Variants in SUGP1 observed in about 807,000 individuals in gnomAD.
SUGP1 encodes the protein SURP and G-patch domain-containing protein 1.
In SUGP1, 34 loss-of-function variants were observed where a neutral mutation model predicts 76.5. That is an observed-to-expected ratio of 0.44 (90% CI 0.34 to 0.59). SUGP1 has a LOEUF of 0.59. Ranked by LOEUF, SUGP1 falls within the 20% of genes least tolerant of loss-of-function variation. The pLI, the probability that SUGP1 is intolerant of heterozygous loss-of-function variation, is 0.01. For synonymous variants in SUGP1, 326 were observed against 326.2 expected, an observed-to-expected ratio of 1.00 and a Z score of 0.01; for missense variants, 752 against 851.7, an observed-to-expected ratio of 0.88 and a Z score of 1.46.
intron 8 of SUGP1, among the ~76,000 whole-genome samples, chr19:19,285,295 A>T (rs2061131278): frequency 6.6e-6 from 1 of 151,950 alleles, no homozygotes; most frequent in Admixed American, 6.6e-5. Context: ...CCTCCCAAGT[A>T]TCTGGGATTA....
At chr19:19,308,365 CGACGTGTGTTATCA>C (rs1481846432) in intron 3 of SUGP1, among the ~76,000 whole-genome samples, 2 of 152,182 alleles carry the variant, frequency 1.3e-5, no homozygotes, top group Non-Finnish European at 2.9e-5. Flanking sequence ...GAAGAGAATA[CGACGTGTGTTATCA>C]GACGTCTACC....
intron 8 of SUGP1, among the ~76,000 whole-genome samples, chr19:19,282,964 C>T (rs2061110835): frequency 6.6e-6 from 1 of 151,896 alleles, no homozygotes; most frequent in Non-Finnish European, 1.5e-5. Flanking sequence ...GTCGTCCCAG[C>T]TACTTGGGAG....
In SUGP1 at chr19:19,283,604, C is replaced by T. The variant is rs555748234; in HGVS notation, c.1244-3313G>A. 4.6e-5 allele frequency among the ~76,000 whole-genome samples: 7 copies of T among 152,098 alleles called. No individual in the cohort carries two copies. The South Asian group carries it at 1.3e-3, about 27-fold the overall frequency. ...CGAGTAGCCGGGACTACAGGTGGCA[C>T]GCCACCACACCCAGCTAATTTTTGT... On this transcript the variant is annotated intron_variant, in intron 8 of 13. Transcript: ENST00000247001.
chr19:19,295,960 A>C (rs560770387), intron 8 of SUGP1, among the ~76,000 whole-genome samples: 1 of 152,354 alleles, frequency 6.6e-6, no homozygotes, highest in South Asian at 2.1e-4. Flanking sequence ...TAAGCTCAAC[A>C]GCACTGGTCA....
chr19:19,302,190 G>C lies in SUGP1; in HGVS notation c.887+75C>G, dbSNP rs906716435. The C allele has an allele frequency of 1.9e-6, 3 of 1,588,824 alleles. No homozygotes were observed. In the South Asian group the frequency reaches 3.4e-5, roughly 18 times the overall value. ...GGACCCCAGCAGGTGGCTGGACTAT[G>C]CTGATCCAGTGTCCTCCCCTGCAGG... On this transcript the variant is annotated intron_variant, in intron 7 of 13. Coordinates refer to ENST00000247001, the MANE Select transcript of SUGP1 (RefSeq NM_172231.4).
At chr19:19,297,839 C>T (rs2061240657) in intron 7 of SUGP1, among the ~76,000 whole-genome samples, 1 of 152,208 alleles carries the variant, frequency 6.6e-6, no homozygotes, top group South Asian at 2.1e-4. Flanking sequence ...GGCAGGCAGC[C>T]TCAGGGAAGT....
chr19:19,293,397 A>G lies in SUGP1; in HGVS notation c.1243+3592T>C, dbSNP rs575109194. ...TCAGGAGTTCGAGACCAGCCTGGCC[A>G]ACATGGTGAAACCCTGTCTCTACCA... is the stretch of plus-strand genomic sequence containing the variant. On this transcript the variant is annotated intron_variant, in intron 8 of 13. Transcript: ENST00000247001. 1.3e-4 allele frequency among the ~76,000 whole-genome samples: 19 copies of G among 151,996 alleles called. No individual in the cohort carries two copies. The South Asian group carries it at 3.7e-3, about 30-fold the overall frequency.
chr19:19,303,651 C>T (rs1015594798), intron 5 of SUGP1, 73 bp downstream of exon 5: 4 of 1,579,826 alleles, frequency 2.5e-6, no homozygotes, highest in East Asian at 2.2e-5. Flanking sequence ...CTAGCAAGCA[C>T]CCAGCCCCAC....
At chr19:19,308,220 G>A (rs1254863318) in intron 3 of SUGP1, among the ~76,000 whole-genome samples, 1 of 151,822 alleles carries the variant, frequency 6.6e-6, no homozygotes. Flanking sequence ...TTTTTGTAGA[G>A]AGGAGACTTA....
chr19:19,292,980 C>T (rs1446581977), intron 8 of SUGP1, among the ~76,000 whole-genome samples: 1 of 151,958 alleles, frequency 6.6e-6, no homozygotes. Context: ...AATCTCGGCT[C>T]ACTGCAACCT....
In SUGP1 at chr19:19,278,684, G is replaced by T. The variant is rs775406763; in HGVS notation, c.1635+6C>A. 1 of 1,608,384 alleles carries T rather than the reference G, an allele frequency of 6.2e-7. No individual in the cohort carries two copies. The highest frequency in any genetic ancestry group is 8.5e-7 in the Non-Finnish European group (1 of 1,177,380). On this transcript the variant is annotated splice_donor_region_variant and intron_variant, in intron 11 of 13. Coordinates refer to ENST00000247001, the MANE Select transcript of SUGP1 (RefSeq NM_172231.4). ...GAGGCTGGAGCTAGGGCCCCTCCTG[G>T]CTCACCTTCAGGGCCTTGAAGGTCT... is the stretch of plus-strand genomic sequence containing the variant.
At chr19:19,286,644 A>G (rs2146597668) in intron 8 of SUGP1, among the ~76,000 whole-genome samples, 1 of 152,332 alleles carries the variant, frequency 6.6e-6, no homozygotes, top group African/African-American at 2.4e-5. Flanking sequence ...ACTGCTTGGG[A>G]GGCTGAGGCG....
chr19:19,302,826 C>T (rs569369325), intron 6 of SUGP1, among the ~76,000 whole-genome samples: 21 of 152,262 alleles, frequency 1.4e-4, no homozygotes, highest in African/African-American at 4.8e-4. Context: ...CCCCACCAAC[C>T]CACCAGCACT....
intron 3 of SUGP1, among the ~76,000 whole-genome samples, chr19:19,308,578 G>A (rs566984451): frequency 3.9e-5 from 6 of 152,336 alleles, no homozygotes; most frequent in Non-Finnish European, 7.4e-5. Context: ...GTGCCCACCC[G>A]GCACCTCAGC....
chr19:19,276,766 C>G (rs879067418), intron 13 of SUGP1, 92 bp from the exon 14 acceptor site: 2 of 1,593,662 alleles, frequency 1.3e-6, no homozygotes, highest in Admixed American at 1.7e-5. Flanking sequence ...CAGCTGAGCC[C>G]GCACCCTTGA....
intron 8 of SUGP1, among the ~76,000 whole-genome samples, chr19:19,290,722 G>A (rs2061175143): frequency 6.6e-6 from 1 of 152,144 alleles, no homozygotes. Context: ...AAGGAAAACT[G>A]TATTTCTGAA....
chr19:19,308,151 C>G (rs150699804), intron 3 of SUGP1, among the ~76,000 whole-genome samples: 4 of 152,102 alleles, frequency 2.6e-5, no homozygotes, highest in African/African-American at 4.8e-5. Flanking sequence ...CCATCTCAGC[C>G]CCCCCATTAG....
intron 9 of SUGP1, 146 bp from the exon 10 acceptor site, chr19:19,279,536 G>C: frequency 1.2e-6 from 1 of 854,304 alleles, no homozygotes; most frequent in South Asian, 1.7e-5. Flanking sequence ...AAGGACTCTA[G>C]CAAGTACTGA....
Position 19,310,121 on chromosome 19 carries a change from A to G in SUGP1, c.286T>C (p.Leu96=), listed in dbSNP as rs748416323. 6.2e-7 allele frequency: 1 copy of G among 1,613,668 alleles called. No individual in the cohort carries two copies. Among genetic ancestry groups the G allele is most frequent in the Non-Finnish European group, 8.5e-7 (1 of 1,179,680 alleles). ...DGSFLQQFLK[L]QKAQTSTDAP... ...CCTGTGCTGGTCTGTGCCTTCTGCAACTTCAGAAACTGCTGCAAGAAGCTA... is the reference window on the plus strand; with the variant it reads ...CCTGTGCTGGTCTGTGCCTTCTGCAGCTTCAGAAACTGCTGCAAGAAGCTA... Residue 96 remains leucine, a synonymous_variant, in exon 3 of 14, where the codon TTG becomes CTG. Coordinates refer to ENST00000247001, the MANE Select transcript of SUGP1 (RefSeq NM_172231.4).
Sources: gnomAD v4.1 joint callset for allele counts (sites outside exome capture counted in the v4.1 genomes callset) on GRCh38, gnomAD v4.1.1 for gene constraint, MANE v1.5 for transcripts, NCBI Gene and HGNC (gene_info 2026-07-23, HGNC 2026-07-21) for gene names.